Variants in ABCC5 observed in about 807,000 individuals in gnomAD.
The protein encoded by ABCC5 is ATP binding cassette subfamily C member 5, also known as ATP-binding cassette sub-family C member 5.
Under a neutral mutation model 160.9 loss-of-function variants are expected in ABCC5, and 61 were observed. The ratio of observed to expected loss-of-function variants is 0.38; its 90% confidence interval spans 0.31 to 0.47. The LOEUF is 0.47. Ranked by LOEUF, ABCC5 falls within the 20% of genes least tolerant of loss-of-function variation. ABCC5 has a pLI of 0.99. For missense variants in ABCC5, 1,308 were observed against 1,813.3 expected (o/e 0.72, Z 5.06); for synonymous variants, 666 against 700.6 (o/e 0.95, Z 0.78).
chr3:184,000,168 G>A (rs1040535515), intron 2 of ABCC5, among the ~76,000 whole-genome samples: 9 of 151,776 alleles, frequency 5.9e-5, no homozygotes, highest in African/African-American at 2.2e-4. Flanking sequence ...AGACCAGCCT[G>A]GGCAACATGA....
chr3:183,947,990 C>T (rs944805664), intron 22 of ABCC5, among the ~76,000 whole-genome samples: 5 of 152,166 alleles, frequency 3.3e-5, no homozygotes, highest in Non-Finnish European at 5.9e-5. Flanking sequence ...TGCAGAATGG[C>T]ACTTGTTCCC....
At chr3:183,965,345 G>A (rs1172977280) in intron 13 of ABCC5, 32 bp downstream of exon 13, 1 of 1,614,030 alleles carries the variant, frequency 6.2e-7, no homozygotes, top group Non-Finnish European at 8.5e-7. Flanking sequence ...CGGCCAAGAT[G>A]GAAAGCATGA....
chr3:183,971,615 C>T lies in ABCC5; in HGVS notation c.1709G>A (p.Gly570Asp). Residue 570 changes from glycine to aspartate, a missense_variant, in exon 11 of 30, where the codon GGC (glycine) becomes GAC (aspartate). Gly to Asp is a moderately conservative substitution (Grantham distance 94). Around this residue, in one of 3 missense-constraint regions of ABCC5, gnomAD observed 1,142 missense variants for 1,527.1 expected, o/e 0.75. Transcript: ENST00000334444. ...CAGTGTCCTCTGTAAGCGCAGGTGG[C>T]CCAGGTGGATGTGCTTGCCTTCTTC... ...EEEEGKHIHL[G>D]HLRLQRTLHS... 6.2e-7 allele frequency: 1 copy of T among 1,614,102 alleles called. No homozygotes were observed. The highest frequency in any genetic ancestry group is 1.7e-5 in the Admixed American group (1 of 60,008).
intron 26 of ABCC5, among the ~76,000 whole-genome samples, chr3:183,936,330 T>G (rs1485836073): frequency 1.3e-5 from 2 of 152,112 alleles, no homozygotes; most frequent in Non-Finnish European, 2.9e-5. Context: ...CAGTCTATGG[T>G]ATGTTGGTAT....
At chr3:183,935,625 T>C (rs760545649) in intron 26 of ABCC5, among the ~76,000 whole-genome samples, 1 of 152,048 alleles carries the variant, frequency 6.6e-6, no homozygotes, top group African/African-American at 2.4e-5. Context: ...TGCCTCAGCC[T>C]CTGGAGCTCT....
intron 27 of ABCC5, 106 bp downstream of exon 27, chr3:183,928,639 CCA>C: frequency 1.0e-6 from 1 of 975,972 alleles, no homozygotes; most frequent in Non-Finnish European, 1.6e-6. Flanking sequence ...AAGCCTTTGT[CCA>C]CAGGCATCCT....
intron 2 of ABCC5, among the ~76,000 whole-genome samples, chr3:183,991,109 C>A (rs1348214741): frequency 6.6e-6 from 1 of 151,686 alleles, no homozygotes; most frequent in Non-Finnish European, 1.5e-5. Context: ...CTGGGCAACA[C>A]AGCAACACAC....
At chr3:183,994,723 T>C (rs892613551) in intron 2 of ABCC5, among the ~76,000 whole-genome samples, 1 of 152,122 alleles carries the variant, frequency 6.6e-6, no homozygotes, top group African/African-American at 2.4e-5. Context: ...TGTGGTATGG[T>C]ATCTTATTGT....
intron 8 of ABCC5, 93 bp downstream of exon 8, chr3:183,981,634 G>A (rs572314180): frequency 1.1e-4 from 146 of 1,363,300 alleles, no homozygotes; most frequent in Non-Finnish European, 1.4e-4. Context: ...GTCCTAGTAC[G>A]TAATGTGCTC....
At chr3:183,957,255 C>A (rs1268822721) in intron 17 of ABCC5, among the ~76,000 whole-genome samples, 1 of 111,554 alleles carries the variant, frequency 9.0e-6, no homozygotes, top group Admixed American at 9.3e-5. Context: ...TATATCACAT[C>A]TGTTACATGC....
In ABCC5 at chr3:183,938,446, G is replaced by A. The variant is rs371771644; in HGVS notation, c.3695-386C>T. Among the ~76,000 whole-genome samples, 26 of 152,128 alleles carry A rather than the reference G, an allele frequency of 1.7e-4. No homozygotes were observed. The South Asian group carries it at 2.7e-3, about 16-fold the overall frequency. On this transcript the variant is annotated intron_variant, in intron 25 of 29. Coordinates refer to ENST00000334444, the MANE Select transcript of ABCC5 (RefSeq NM_005688.4). ...CTCAAGTAGCTGGAACTACAGGCAC[G>A]CGTCACCATGCCCAGATAATTTTTG...
intron 10 of ABCC5, 41 bp from the exon 11 acceptor site, chr3:183,971,960 G>C (rs1275836334): frequency 3.7e-6 from 6 of 1,610,604 alleles, no homozygotes; most frequent in Admixed American, 1.7e-5. Flanking sequence ...TGAGACACTG[G>C]ATCAAGACCA....
chr3:183,963,624 GC>G lies in ABCC5; in HGVS notation c.2032-37del. 6.2e-7 allele frequency: 1 copy of G among 1,607,634 alleles called. No homozygotes were observed. Among genetic ancestry groups the G allele is most frequent in the Non-Finnish European group, 8.5e-7 (1 of 1,176,576 alleles). On this transcript the variant is annotated intron_variant, in intron 14 of 29. Coordinates refer to ENST00000334444, the MANE Select transcript of ABCC5 (RefSeq NM_005688.4). The surrounding 1 kb of genome is among the most constrained non-coding windows in gnomAD (Gnocchi z 4.6). ...CCAGAAGTGTGGTGAAGCCTCCAGC[GC>G]AAGTCCAGAACAGCGTGGAGGGGTC...
At position 183,921,224 on chromosome 3, in the gene ABCC5, G is replaced by A; in HGVS notation, c.*76C>T. 1 of 758,378 alleles carries A rather than the reference G, an allele frequency of 1.3e-6. No individual in the cohort carries two copies. The highest frequency in any genetic ancestry group is 2.2e-6 in the Non-Finnish European group (1 of 448,660). The allele number at this position is 758,378 out of a possible 1,614,324, so 47.0% of individuals were successfully genotyped here. A position where few individuals can be genotyped will look rare whatever the true frequency, so the allele number is the denominator to read the frequency against. ...CGAGAAAGGCAAGGTTTCGGTAGGA[G>A]GACGCGATGAGGGGCCCGCCCCAGG... On this transcript the variant is annotated 3_prime_UTR_variant, in exon 30 of 30. Transcript: ENST00000334444. The surrounding 1 kb of genome is among the most constrained non-coding windows in gnomAD (Gnocchi z 4.1).
intron 11 of ABCC5, 26 bp from the exon 12 acceptor site, chr3:183,967,792 G>C (rs28365014): frequency 4.3e-5 from 68 of 1,563,636 alleles, no homozygotes; most frequent in African/African-American, 4.3e-4. Context: ...AGAGAGGAGG[G>C]TCATTTAGAG....
intron 2 of ABCC5, among the ~76,000 whole-genome samples, chr3:184,000,163 AGCCTGG>A (rs1720631029): frequency 6.6e-6 from 1 of 151,910 alleles, no homozygotes; most frequent in Non-Finnish European, 1.5e-5. Flanking sequence ...GCTTGAGACC[AGCCTGG>A]GCAACATGAT....
At chr3:183,934,692 A>T (rs952858082) in intron 26 of ABCC5, among the ~76,000 whole-genome samples, 1 of 152,206 alleles carries the variant, frequency 6.6e-6, no homozygotes, top group Non-Finnish European at 1.5e-5. Context: ...TATATAATTT[A>T]AAAAAGCAGA....
intron 2 of ABCC5, among the ~76,000 whole-genome samples, chr3:183,994,044 A>G (rs1049582677): frequency 6.6e-6 from 1 of 150,652 alleles, no homozygotes; most frequent in African/African-American, 2.5e-5. Context: ...GCTCACTGCA[A>G]TCTCCGCTTC....
chr3:183,957,527 T>C (rs56889301), intron 17 of ABCC5, among the ~76,000 whole-genome samples: 76,514 of 138,126 alleles, frequency 0.55, 21,213 homozygotes, highest in East Asian at 0.85. Context: ...CATGCTTATC[T>C]GTGTGTACAT....
Sources: allele counts gnomAD v4.1 joint callset (sites outside exome capture counted in the v4.1 genomes callset), GRCh38; gene constraint gnomAD v4.1.1; regional missense constraint gnomAD v4.1.1; non-coding constraint Gnocchi (gnomAD v3.1); transcripts MANE v1.5; gene names NCBI Gene and HGNC (gene_info 2026-07-23, HGNC 2026-07-21).